The following FRMPD1 variants were observed in gnomAD, a reference collection of about 807,000 sequenced individuals.
The protein encoded by FRMPD1 is FERM and PDZ domain containing 1, also known as FERM and PDZ domain-containing protein 1.
FRMPD1 carries 76 observed loss-of-function variants against 117.8 expected under a neutral mutation model. The observed-to-expected ratio is 0.65, with a 90% CI of 0.54 to 0.78. FRMPD1 has a LOEUF of 0.78. Ranked by LOEUF, FRMPD1 falls within the 30% of genes least tolerant of loss-of-function variation. The pLI is 0.00. For synonymous variants in FRMPD1, 783 were observed against 770.4 expected (o/e 1.02, Z -0.27); for missense variants, 1,786 against 1,964.5 (o/e 0.91, Z 1.72).
At chr9:37,636,961 G>A in the FRMPD1 span, 23 of 1,595,614 alleles carry the variant, frequency 1.4e-5, no homozygotes, top group South Asian at 2.1e-4. Context: ...TGACGTTCTC[G>A]CTGGCATGGC....
chr9:37,714,673 G>A (rs557455955), intron 5 of FRMPD1, among the ~76,000 whole-genome samples: 2 of 150,568 alleles, frequency 1.3e-5, no homozygotes, highest in East Asian at 3.9e-4. Flanking sequence ...TTGAGATGAA[G>A]TCTTGCTCTG....
chr9:37,742,274 C>CT (rs1464219465), intron 15 of FRMPD1, among the ~76,000 whole-genome samples: 3 of 152,260 alleles, frequency 2.0e-5, no homozygotes, highest in Admixed American at 2.0e-4. Context: ...CAGCCTTGCC[C>CT]TGCAGGGCCA....
the FRMPD1 span, among the ~76,000 whole-genome samples, chr9:37,625,144 C>T: frequency 6.6e-6 from 1 of 152,190 alleles, no homozygotes; most frequent in Non-Finnish European, 1.5e-5. Flanking sequence ...GCACTAGTTT[C>T]CTTTCACAGC....
intron 2 of FRMPD1, among the ~76,000 whole-genome samples, chr9:37,694,384 AC>A (rs1822249103): frequency 6.6e-6 from 1 of 152,140 alleles, no homozygotes; most frequent in Non-Finnish European, 1.5e-5. Flanking sequence ...TGACCTTGGA[AC>A]CCTCTTAACA....
chr9:37,607,634 C>G, the FRMPD1 span, among the ~76,000 whole-genome samples: 1 of 152,172 alleles, frequency 6.6e-6, no homozygotes, highest in Non-Finnish European at 1.5e-5. Flanking sequence ...CCATTCAACA[C>G]CTCTTTCCTT....
upstream of FRMPD1, among the ~76,000 whole-genome samples, chr9:37,650,688 CT>C (rs1820640344): frequency 1.3e-5 from 2 of 152,276 alleles, no homozygotes; most frequent in Non-Finnish European, 2.9e-5. Flanking sequence ...AGTCTCCCCC[CT>C]GGGTACTCAG....
the FRMPD1 span, chr9:37,637,043 A>T: frequency 1.3e-6 from 2 of 1,544,636 alleles, no homozygotes; most frequent in Non-Finnish European, 1.8e-6. Flanking sequence ...TACCACGAGG[A>T]AGCCATGAGC....
chr9:37,650,678 A>G (rs1392539774), upstream of FRMPD1, among the ~76,000 whole-genome samples: 2 of 152,106 alleles, frequency 1.3e-5, no homozygotes, highest in Non-Finnish European at 2.9e-5. Flanking sequence ...TCCCAGCCTC[A>G]GTCTCCCCCC....
chr9:37,688,597 A>G (rs1033206968), intron 1 of FRMPD1, among the ~76,000 whole-genome samples: 2 of 152,102 alleles, frequency 1.3e-5, no homozygotes, highest in East Asian at 3.8e-4. Flanking sequence ...ATGAATAAAG[A>G]TTTTTATTGT....
rs373191234 is a variant in FRMPD1, at chr9:37,697,498, C to A, written c.101+4756C>A. ...AGGAGAATGGCGTGAACCAGGGAGG[C>A]GGAGCTTGCAGTGAGCCGAGATAGC... On this transcript the variant is annotated intron_variant, in intron 2 of 15. Coordinates refer to ENST00000377765, the MANE Select transcript of FRMPD1 (RefSeq NM_014907.3). Among the ~76,000 whole-genome samples, 197 of 151,540 alleles carry A rather than the reference C, an allele frequency of 1.3e-3. 1 individual carries two copies. The highest frequency in any genetic ancestry group is 4.6e-3 in the African/African-American group (191 of 41,286).
At chr9:37,647,372 C>T (rs549342690), upstream of FRMPD1, among the ~76,000 whole-genome samples, 9 of 151,856 alleles carry the variant, frequency 5.9e-5, no homozygotes, top group East Asian at 1.9e-4. Flanking sequence ...ATTAACCGGG[C>T]GGGGTGGCGG....
intron 1 of FRMPD1, among the ~76,000 whole-genome samples, chr9:37,679,870 G>A (rs1424747147): frequency 2.6e-5 from 4 of 152,224 alleles, no homozygotes; most frequent in Non-Finnish European, 5.9e-5. Flanking sequence ...AGTGTCATTT[G>A]CCATCCATCA....
chr9:37,709,418 G>T (rs1730990486), intron 4 of FRMPD1, among the ~76,000 whole-genome samples: 1 of 151,444 alleles, frequency 6.6e-6, no homozygotes, highest in Admixed American at 6.6e-5. Flanking sequence ...AAACTCTTGG[G>T]CTCAAGTGGT....
chr9:37,729,640 C>T (rs1245006489), intron 7 of FRMPD1, 88 bp from the exon 8 acceptor site: 35 of 1,382,906 alleles, frequency 2.5e-5, no homozygotes, highest in South Asian at 1.3e-4. Context: ...AGGCTTTTCT[C>T]TCCCTAGCTG....
At chr9:37,717,806 C>T (rs779579660) in intron 5 of FRMPD1, among the ~76,000 whole-genome samples, 2 of 152,060 alleles carry the variant, frequency 1.3e-5, no homozygotes, top group African/African-American at 2.4e-5. Context: ...TTCTCTGTTC[C>T]GTGGATGATA....
the FRMPD1 span, among the ~76,000 whole-genome samples, chr9:37,636,290 G>A: frequency 1.3e-5 from 2 of 152,312 alleles, no homozygotes; most frequent in African/African-American, 2.4e-5. Context: ...AGTAGAGGCC[G>A]GGGAGACCCT....
the FRMPD1 span, among the ~76,000 whole-genome samples, chr9:37,607,627 T>C: frequency 6.6e-6 from 1 of 152,358 alleles, no homozygotes; most frequent in Non-Finnish European, 1.5e-5. Context: ...GTTTGAACCA[T>C]TCAACACCTC....
At position 37,732,459 on chromosome 9, in the gene FRMPD1, C is replaced by A; in HGVS notation, c.995+19C>A. On this transcript the variant is annotated intron_variant, in intron 10 of 15. Coordinates refer to ENST00000377765, the MANE Select transcript of FRMPD1 (RefSeq NM_014907.3). ...ATATAGAGTGAGTGGCAGGGGATGG[C>A]AGCTGCATTGCATTTATAACTTGCT... 1 of 1,582,640 alleles carries A rather than the reference C, an allele frequency of 6.3e-7. No homozygotes were observed. The highest frequency in any genetic ancestry group is 8.6e-7 in the Non-Finnish European group (1 of 1,163,804).
chr9:37,637,723 G>A, the FRMPD1 span, among the ~76,000 whole-genome samples: 3 of 152,192 alleles, frequency 2.0e-5, no homozygotes, highest in Non-Finnish European at 4.4e-5. Flanking sequence ...TTGCTCATCC[G>A]TAAGACAGGA....
Sources: gnomAD v4.1 joint callset for allele counts (sites outside exome capture counted in the v4.1 genomes callset) on GRCh38, gnomAD v4.1.1 for gene constraint, MANE v1.5 for transcripts, NCBI Gene and HGNC (gene_info 2026-07-23, HGNC 2026-07-21) for gene names.